KALRN: variants seen among roughly 807,000 people sequenced by gnomAD.
KALRN encodes kalirin.
KALRN carries 70 observed loss-of-function variants against 353.7 expected under a neutral mutation model. The observed-to-expected ratio is 0.20, with a 90% CI of 0.16 to 0.24. The LOEUF (loss-of-function observed/expected upper bound fraction) is 0.24. KALRN is among the 10% of genes least tolerant of loss of function. KALRN has a pLI of 1.00. For synonymous variants in KALRN, 1,391 were observed against 1,434.8 expected, an observed-to-expected ratio of 0.97 and a Z score of 0.69; for missense variants, 2,791 against 3,756.7, an observed-to-expected ratio of 0.74 and a Z score of 6.72.
At chr3:124,494,178 C>T (rs569230426) in intron 32 of KALRN, among the ~76,000 whole-genome samples, 1 of 152,326 alleles carries the variant, frequency 6.6e-6, no homozygotes, top group East Asian at 1.9e-4. Flanking sequence ...CCCACCTTTT[C>T]TCTGCTCCCA....
chr3:124,594,810 C>T (rs1245635769), intron 34 of KALRN, among the ~76,000 whole-genome samples: 1 of 152,132 alleles, frequency 6.6e-6, no homozygotes, highest in Non-Finnish European at 1.5e-5. Flanking sequence ...AGCACTGTGG[C>T]TGGAGCCTCA....
intron 34 of KALRN, among the ~76,000 whole-genome samples, chr3:124,620,628 A>C (rs1029524484): frequency 3.3e-5 from 5 of 152,226 alleles, no homozygotes; most frequent in African/African-American, 1.2e-4. Flanking sequence ...AGAATCCACC[A>C]CTGGTGGAAT....
intron 54 of KALRN, among the ~76,000 whole-genome samples, chr3:124,696,752 T>C (rs1464355505): frequency 3.3e-5 from 5 of 152,150 alleles, no homozygotes; most frequent in Admixed American, 3.3e-4. Flanking sequence ...ATTAAGTACA[T>C]CCACATTTTT....
At chr3:124,097,503 G>A (rs1418770971) in intron 1 of KALRN, among the ~76,000 whole-genome samples, 3 of 152,230 alleles carry the variant, frequency 2.0e-5, no homozygotes, top group African/African-American at 7.2e-5. Flanking sequence ...GGGAACTGAT[G>A]AGTTTATCCC....
chr3:124,323,258 A>G (rs2079536058), intron 6 of KALRN, among the ~76,000 whole-genome samples: 1 of 152,176 alleles, frequency 6.6e-6, no homozygotes, highest in Non-Finnish European at 1.5e-5. Context: ...CCTCTTCCCA[A>G]CAGCCCTGCC....
intron 1 of KALRN, among the ~76,000 whole-genome samples, chr3:124,173,865 C>T (rs983470112): frequency 1.1e-4 from 16 of 152,058 alleles, no homozygotes; most frequent in East Asian, 3.9e-4. Flanking sequence ...CCGCCCACCT[C>T]GGCCTCCCTA....
intron 13 of KALRN, among the ~76,000 whole-genome samples, chr3:124,401,556 C>T (rs1192200630): frequency 6.6e-6 from 1 of 152,092 alleles, no homozygotes; most frequent in African/African-American, 2.4e-5. Flanking sequence ...ATTCTTTAGC[C>T]TTTGTATGTA....
rs114081033 is a variant in KALRN at position 124,126,005 on chromosome 3, G to A, written c.73+92192G>A. Among the ~76,000 whole-genome samples the A allele has an allele frequency of 3.3e-3, 495 of 152,246 alleles. 2 individuals carry two copies. The highest frequency in any genetic ancestry group is 0.011 in the African/African-American group (469 of 41,542). On this transcript the variant is annotated intron_variant, in intron 1 of 59. Transcript: ENST00000682506. Reference sequence around the variant, plus strand: ...CTACCACCTCATACCCCCAAATCTCGACAGCTTACCTACTAACATTCTCTT... The same window carrying A: ...CTACCACCTCATACCCCCAAATCTCAACAGCTTACCTACTAACATTCTCTT...
chr3:124,389,937 A>C (rs1347060368), intron 11 of KALRN, among the ~76,000 whole-genome samples: 2 of 152,172 alleles, frequency 1.3e-5, no homozygotes, highest in African/African-American at 4.8e-5. Flanking sequence ...ATTCATCCCT[A>C]CTTATAGAGA....
chr3:124,495,358 A>C (rs542173196), intron 32 of KALRN, among the ~76,000 whole-genome samples: 1 of 152,332 alleles, frequency 6.6e-6, no homozygotes, highest in South Asian at 2.1e-4. Flanking sequence ...TGAAGGTCTA[A>C]TATCAGGAAT....
At chr3:124,276,810 C>A (rs1274243454) in intron 5 of KALRN, among the ~76,000 whole-genome samples, 2 of 152,166 alleles carry the variant, frequency 1.3e-5, no homozygotes, top group African/African-American at 4.8e-5. Context: ...TGTGGTAGGC[C>A]AGGTGGGCAC....
chr3:124,164,112 G>A (rs2070436834), intron 1 of KALRN: 1 of 320,672 alleles, frequency 3.1e-6, no homozygotes, highest in Non-Finnish European at 4.5e-6. Context: ...CTTTACCTCT[G>A]TTTCAGATTA....
intron 1 of KALRN, among the ~76,000 whole-genome samples, chr3:124,084,039 C>T (rs1035676230): frequency 3.3e-5 from 5 of 152,180 alleles, no homozygotes; most frequent in Admixed American, 3.3e-4. Flanking sequence ...ACATTTTCCA[C>T]AGTAGATTCC....
intron 1 of KALRN, among the ~76,000 whole-genome samples, chr3:124,124,845 A>G (rs2064446209): frequency 6.6e-6 from 1 of 152,246 alleles, no homozygotes; most frequent in South Asian, 2.1e-4. Flanking sequence ...GCTATTGCAC[A>G]CTTAATAGAC....
At chr3:124,408,676 G>C (rs1483257289) in intron 13 of KALRN, among the ~76,000 whole-genome samples, 6 of 152,026 alleles carry the variant, frequency 3.9e-5, no homozygotes, top group Non-Finnish European at 8.8e-5. Context: ...CAATGTTGCA[G>C]GTGATAAAGA....
intron 5 of KALRN, among the ~76,000 whole-genome samples, chr3:124,269,905 G>C (rs1703248350): frequency 6.6e-6 from 1 of 152,148 alleles, no homozygotes; most frequent in Admixed American, 6.5e-5. Flanking sequence ...GGCTCTTCCT[G>C]CCATACCCAC....
At chr3:124,064,284 G>A (rs2042185118) in intron 1 of KALRN, among the ~76,000 whole-genome samples, 1 of 151,954 alleles carries the variant, frequency 6.6e-6, no homozygotes, top group African/African-American at 2.4e-5. Context: ...AGAACAAGTA[G>A]GAGTTTAAAC....
At chr3:124,668,840 C>CA (rs1559812856) in intron 47 of KALRN, among the ~76,000 whole-genome samples, 1 of 151,976 alleles carries the variant, frequency 6.6e-6, no homozygotes, top group Non-Finnish European at 1.5e-5. Flanking sequence ...TAATTTTATG[C>CA]AAAAATGTGT....
Position 124,613,684 on chromosome 3 carries a change from T to C in KALRN, c.5183-18736T>C, listed in dbSNP as rs535905784. On this transcript the variant is annotated intron_variant, in intron 34 of 59. Coordinates refer to ENST00000682506, the MANE Select transcript of KALRN (RefSeq NM_001388419.1). Reference sequence around the variant, plus strand: ...TAACCTAAATCAGTGTTTTCTAAACTAGAAGCCAACATTTGAGCTTCTAAG... The same window carrying C: ...TAACCTAAATCAGTGTTTTCTAAACCAGAAGCCAACATTTGAGCTTCTAAG... Among the ~76,000 whole-genome samples, 6 of 152,348 alleles carry C rather than the reference T, an allele frequency of 3.9e-5. No homozygotes were observed. The East Asian group carries it at 9.6e-4, about 24-fold the overall frequency.
Sources: allele counts gnomAD v4.1 joint callset (sites outside exome capture counted in the v4.1 genomes callset), GRCh38; gene constraint gnomAD v4.1.1; transcripts MANE v1.5; gene names NCBI Gene and HGNC (gene_info 2026-07-23, HGNC 2026-07-21).